Variants in KIF21A observed in about 807,000 individuals in gnomAD.
The protein encoded by KIF21A is kinesin family member 21A.
KIF21A carries 114 observed loss-of-function variants against 202.9 expected under a neutral mutation model. The observed-to-expected ratio is 0.56, with a 90% CI of 0.48 to 0.66. The LOEUF is 0.66. KIF21A is among the 30% of genes least tolerant of loss of function. The probability of loss-of-function intolerance (pLI) is 0.00; values close to 1 mark genes in which losing one functional copy is unlikely to be tolerated. For missense variants in KIF21A, 1,677 were observed against 1,994.9 expected (o/e 0.84, Z 3.04); for synonymous variants, 667 against 670.8 (o/e 0.99, Z 0.09).
intron 10 of KIF21A, among the ~76,000 whole-genome samples, chr12:39,355,174 A>G (rs1948670817): frequency 6.6e-6 from 1 of 152,194 alleles, no homozygotes; most frequent in Non-Finnish European, 1.5e-5. Flanking sequence ...CTCAGAGCCC[A>G]TGAGTCATCT....
chr12:39,310,466 C>A (rs1276707574), intron 32 of KIF21A, among the ~76,000 whole-genome samples: 4 of 151,968 alleles, frequency 2.6e-5, no homozygotes, highest in Non-Finnish European at 5.9e-5. Context: ...TGGACTATCC[C>A]TAAATGCTAA....
chr12:39,368,239 T>C (rs1322346700), intron 3 of KIF21A, among the ~76,000 whole-genome samples: 1 of 152,138 alleles, frequency 6.6e-6, no homozygotes, highest in East Asian at 1.9e-4. Flanking sequence ...GTAAAAACAG[T>C]AAGTGACTTA....
At chr12:39,431,674 T>C (rs1478272154) in intron 1 of KIF21A, among the ~76,000 whole-genome samples, 2 of 152,144 alleles carry the variant, frequency 1.3e-5, no homozygotes, top group Non-Finnish European at 2.9e-5. Flanking sequence ...CCTGACGTTA[T>C]AGAACACACA....
chr12:39,430,543 G>A (rs1316377879), intron 1 of KIF21A, among the ~76,000 whole-genome samples: 2 of 151,520 alleles, frequency 1.3e-5, no homozygotes, highest in South Asian at 4.2e-4. Flanking sequence ...TCCAGCCTGG[G>A]GGACAAGAGC....
intron 4 of KIF21A, 97 bp from the exon 5 acceptor site, chr12:39,367,261 G>T: frequency 7.8e-7 from 1 of 1,286,794 alleles, no homozygotes; most frequent in Non-Finnish European, 1.1e-6. Flanking sequence ...ACCATGTTAA[G>T]GGATATAAAA....
rs113489667 is a variant in KIF21A at position 39,372,844 on chromosome 12, T to C, written c.45-2583A>G. 2.0e-3 allele frequency among the ~76,000 whole-genome samples: 311 copies of C among 152,244 alleles called. 4 individuals are homozygous for C. Among genetic ancestry groups the C allele is most frequent in the African/African-American group, 7.1e-3 (297 of 41,554 alleles). On this transcript the variant is annotated intron_variant, in intron 1 of 37. Transcript: ENST00000361418. ...CAATCCTCTTTAGGAAAAACCACCATCTTGATTGTTGCCACGCCAGAAATA... is the reference window on the plus strand; with the variant it reads ...CAATCCTCTTTAGGAAAAACCACCACCTTGATTGTTGCCACGCCAGAAATA...
At chr12:39,344,254 A>G (rs1296864229) in intron 12 of KIF21A, among the ~76,000 whole-genome samples, 1 of 152,218 alleles carries the variant, frequency 6.6e-6, no homozygotes, top group Non-Finnish European at 1.5e-5. Flanking sequence ...GTTCAAGATG[A>G]AAATCTAGAA....
chr12:39,373,648 T>A (rs1950098786), intron 1 of KIF21A, among the ~76,000 whole-genome samples: 1 of 152,210 alleles, frequency 6.6e-6, no homozygotes, highest in African/African-American at 2.4e-5. Context: ...TAAATGATTA[T>A]AACCATAGGC....
chr12:39,296,572 T>C (rs563683831), intron 37 of KIF21A, among the ~76,000 whole-genome samples: 43 of 152,222 alleles, frequency 2.8e-4, no homozygotes, highest in Admixed American at 2.6e-4. Flanking sequence ...TGCTAGGTGA[T>C]AGAAGAGATT....
chr12:39,331,149 T>C (rs969710148), intron 22 of KIF21A, among the ~76,000 whole-genome samples: 10 of 151,798 alleles, frequency 6.6e-5, no homozygotes, highest in African/African-American at 2.2e-4. Flanking sequence ...AATTACCTCT[T>C]AGCACATTGT....
At chr12:39,406,723 T>C (rs145725285) in intron 1 of KIF21A, among the ~76,000 whole-genome samples, 14 of 152,198 alleles carry the variant, frequency 9.2e-5, no homozygotes, top group Non-Finnish European at 1.8e-4. Flanking sequence ...CTCAAAGATG[T>C]CAAGCTTCCT....
At chr12:39,345,928 A>G (rs1947849345) in intron 12 of KIF21A, among the ~76,000 whole-genome samples, 1 of 152,028 alleles carries the variant, frequency 6.6e-6, no homozygotes, top group African/African-American at 2.4e-5. Context: ...CAACCTTAAG[A>G]ATGTCTTATA....
At chr12:39,425,584 A>C (rs183327350) in intron 1 of KIF21A, among the ~76,000 whole-genome samples, 2 of 152,200 alleles carry the variant, frequency 1.3e-5, no homozygotes, top group Non-Finnish European at 1.5e-5. Context: ...GATACTAAAG[A>C]TAACTGTTTA....
chr12:39,368,236 C>G (rs1186195503), intron 3 of KIF21A, among the ~76,000 whole-genome samples: 1 of 151,960 alleles, frequency 6.6e-6, no homozygotes, highest in African/African-American at 2.4e-5. Context: ...AAAGTAAAAA[C>G]AGTAAGTGAC....
intron 24 of KIF21A, among the ~76,000 whole-genome samples, chr12:39,327,817 A>C (rs1224691459): frequency 6.6e-6 from 1 of 152,184 alleles, no homozygotes; most frequent in Admixed American, 6.5e-5. Context: ...CTCTGAGAAC[A>C]CAACTCTAGC....
intron 1 of KIF21A, among the ~76,000 whole-genome samples, chr12:39,397,690 A>C (rs187665498): frequency 3.0e-4 from 46 of 152,332 alleles, no homozygotes; most frequent in African/African-American, 1.1e-3. Context: ...GAAGCCAAAC[A>C]AACTGTTGTA....
intron 11 of KIF21A, among the ~76,000 whole-genome samples, chr12:39,349,421 C>T (rs1948180141): frequency 6.6e-6 from 1 of 152,006 alleles, no homozygotes; most frequent in Non-Finnish European, 1.5e-5. Context: ...CCCTCTCTGA[C>T]AAATAAAATA....
rs764649929 is a variant in KIF21A at position 39,408,188 on chromosome 12, C to T, written c.44+34739G>A. ...GGAAGACAGTTTTTCCAGGGATGGT[C>T]GGGGGGTTGGGTGGAGGGGGATGAT... On this transcript the variant is annotated intron_variant, in intron 1 of 37. Transcript: ENST00000361418. Among the ~76,000 whole-genome samples the T allele has an allele frequency of 2.0e-5, 3 of 151,488 alleles. No homozygotes were observed. The East Asian group carries it at 5.8e-4, about 29-fold the overall frequency.
intron 31 of KIF21A, chr12:39,311,790 T>G (rs960474284): frequency 2.1e-6 from 1 of 487,556 alleles, no homozygotes; most frequent in African/African-American, 1.9e-5. Context: ...GCAAAGACTA[T>G]AATACATCTA....
Sources: gnomAD v4.1 joint callset for allele counts (sites outside exome capture counted in the v4.1 genomes callset) on GRCh38, gnomAD v4.1.1 for gene constraint, MANE v1.5 for transcripts, NCBI Gene and HGNC (gene_info 2026-07-23, HGNC 2026-07-21) for gene names.